Variants in MYO16 observed in about 807,000 individuals in gnomAD.
MYO16 encodes the protein unconventional myosin-XVI.
MYO16 carries 94 observed loss-of-function variants against 205.3 expected under a neutral mutation model. The ratio of observed to expected loss-of-function variants is 0.46; its 90% CI spans 0.39 to 0.54. MYO16 has a LOEUF of 0.54. Among genes scored for constraint, MYO16 ranks in the 20% least tolerant of loss-of-function variants. MYO16 has a pLI of 0.00. For synonymous variants in MYO16, 988 were observed against 954.0 expected, an observed-to-expected ratio of 1.04 and a Z score of -0.66; for missense variants, 2,315 against 2,387.5, an observed-to-expected ratio of 0.97 and a Z score of 0.63.
intron 10 of MYO16, among the ~76,000 whole-genome samples, chr13:108,849,310 C>G (rs1051892495): frequency 6.6e-6 from 1 of 152,102 alleles, no homozygotes; most frequent in African/African-American, 2.4e-5. Flanking sequence ...CCTGCCTGAG[C>G]CTTCCAAGTA....
chr13:108,947,764 G>A (rs935689463), intron 16 of MYO16, among the ~76,000 whole-genome samples: 6 of 152,234 alleles, frequency 3.9e-5, no homozygotes, highest in African/African-American at 1.4e-4. Context: ...AAGGTGTCAA[G>A]AGTTTTGAAT....
At chr13:108,971,240 C>T (rs899024411) in intron 20 of MYO16, among the ~76,000 whole-genome samples, 2 of 151,746 alleles carry the variant, frequency 1.3e-5, no homozygotes, top group African/African-American at 2.4e-5. Flanking sequence ...GAAGTTTGGG[C>T]AAGTACAGGG....
chr13:108,896,720 A>C (rs1293852127), intron 14 of MYO16, among the ~76,000 whole-genome samples: 1 of 152,116 alleles, frequency 6.6e-6, no homozygotes, highest in Non-Finnish European at 1.5e-5. Flanking sequence ...TAATGCCAGC[A>C]CTTTTTGGGA....
chr13:108,735,164 C>A (rs546823867), intron 4 of MYO16, among the ~76,000 whole-genome samples: 1 of 152,122 alleles, frequency 6.6e-6, no homozygotes, highest in South Asian at 2.1e-4. Flanking sequence ...GCACAACCTG[C>A]AGGTTTGTTA....
intron 15 of MYO16, among the ~76,000 whole-genome samples, chr13:108,908,537 A>C (rs943313819): frequency 1.2e-4 from 18 of 152,186 alleles, no homozygotes; most frequent in African/African-American, 4.3e-4. Flanking sequence ...GAGTTTTTTT[A>C]AAGTTCAAAT....
At chr13:108,641,268 G>T (rs373233526) in intron 1 of MYO16, among the ~76,000 whole-genome samples, 1 of 152,138 alleles carries the variant, frequency 6.6e-6, no homozygotes, top group African/African-American at 2.4e-5. Flanking sequence ...ACAGTCTTTT[G>T]CTAATAGAAA....
intron 2 of MYO16, among the ~76,000 whole-genome samples, chr13:108,709,178 A>G (rs1163612314): frequency 6.6e-6 from 1 of 152,200 alleles, no homozygotes; most frequent in Non-Finnish European, 1.5e-5. Flanking sequence ...CGATTTTGTC[A>G]TAACAGAAAG....
intron 4 of MYO16, among the ~76,000 whole-genome samples, chr13:108,745,583 C>G (rs1346546115): frequency 6.6e-6 from 1 of 152,106 alleles, no homozygotes; most frequent in Non-Finnish European, 1.5e-5. Context: ...AAAATAGACT[C>G]TCACTTCCTA....
chr13:108,563,210 T>C, the MYO16 span, among the ~76,000 whole-genome samples: 1 of 152,210 alleles, frequency 6.6e-6, no homozygotes, highest in African/African-American at 2.4e-5. Flanking sequence ...TTTTTAATTT[T>C]GTGGGTACAT....
At chr13:108,783,700 G>A (rs973754509) in intron 4 of MYO16, among the ~76,000 whole-genome samples, 52 of 152,174 alleles carry the variant, frequency 3.4e-4, no homozygotes, top group African/African-American at 9.2e-4. Context: ...CATGGGGGTC[G>A]GTCTTTCCCA....
At chr13:108,842,180 G>T (rs1243359132) in intron 9 of MYO16, among the ~76,000 whole-genome samples, 1 of 151,714 alleles carries the variant, frequency 6.6e-6, no homozygotes, top group Non-Finnish European at 1.5e-5. Flanking sequence ...GACACCAGAA[G>T]AAAAAAGCAC....
At chr13:108,619,610 G>A (rs1166576462) in intron 1 of MYO16, among the ~76,000 whole-genome samples, 1 of 152,132 alleles carries the variant, frequency 6.6e-6, no homozygotes. Flanking sequence ...GTAGCATCAG[G>A]AGGTATCACA....
intron 19 of MYO16, among the ~76,000 whole-genome samples, chr13:108,963,101 G>A (rs1883649268): frequency 6.6e-6 from 1 of 152,198 alleles, no homozygotes; most frequent in South Asian, 2.1e-4. Context: ...TATGCTACAT[G>A]CATCTCTACT....
chr13:109,103,139 A>C (rs157004), intron 28 of MYO16, among the ~76,000 whole-genome samples: 119,376 of 152,058 alleles, frequency 0.79, 47,014 homozygotes, highest in Middle Eastern at 0.87. Context: ...GGAAAAAAAG[A>C]TTTTGTTAAA....
chr13:109,149,084 A>C (rs7981134), intron 32 of MYO16, among the ~76,000 whole-genome samples: 67,182 of 151,978 alleles, frequency 0.44, 15,258 homozygotes, highest in Admixed American at 0.49. Flanking sequence ...CAAGGCTCTG[A>C]ATTATCTCCA....
chr13:108,986,504 C>A (rs982749789), intron 20 of MYO16, among the ~76,000 whole-genome samples: 7 of 151,532 alleles, frequency 4.6e-5, no homozygotes, highest in Admixed American at 2.0e-4. Flanking sequence ...TGCTTTTAAT[C>A]CCAGCTACTC....
At chr13:108,587,646 G>T in the MYO16 span, among the ~76,000 whole-genome samples, 6 of 151,838 alleles carry the variant, frequency 4.0e-5, no homozygotes, top group African/African-American at 1.5e-4. Context: ...GCTCATTTTT[G>T]GCACCACTGA....
At chr13:108,712,609 C>A in intron 2 of MYO16, 52 bp from the exon 3 acceptor site, 1 of 1,519,382 alleles carries the variant, frequency 6.6e-7, no homozygotes, top group Non-Finnish European at 9.1e-7. Flanking sequence ...TTTGGTTCCA[C>A]ACGTGGAAGA....
intron 32 of MYO16, among the ~76,000 whole-genome samples, chr13:109,142,913 C>T (rs1186187556): frequency 6.6e-6 from 1 of 152,104 alleles, no homozygotes; most frequent in Non-Finnish European, 1.5e-5. Flanking sequence ...TTCGTTGCTT[C>T]ATTCTTTCTT....
Sources: allele counts gnomAD v4.1 joint callset (sites outside exome capture counted in the v4.1 genomes callset), GRCh38; gene constraint gnomAD v4.1.1; transcripts MANE v1.5; gene names NCBI Gene and HGNC (gene_info 2026-07-23, HGNC 2026-07-21).